KCNT1: variants seen among roughly 807,000 people sequenced by gnomAD.
KCNT1 encodes potassium sodium-activated channel subfamily T member 1.
A neutral mutation model predicts 147.8 loss-of-function variants in KCNT1; 78 were observed. The observed-to-expected ratio is 0.53, with a 90% confidence interval of 0.44 to 0.64. The LOEUF (loss-of-function observed/expected upper bound fraction) is 0.64. Among genes scored for constraint, KCNT1 ranks in the 30% least tolerant of loss-of-function variants. The pLI, the probability that KCNT1 is intolerant of heterozygous loss-of-function variation, is 0.00. For missense variants in KCNT1, 1,419 were observed against 1,750.3 expected (o/e 0.81, Z 3.38); for synonymous variants, 867 against 748.8 (o/e 1.16, Z -2.58).
chr9:135,710,284 T>C (rs1835433394), intron 1 of KCNT1, among the ~76,000 whole-genome samples: 1 of 152,164 alleles, frequency 6.6e-6, no homozygotes, highest in South Asian at 2.1e-4. Context: ...TGGGGTCTAA[T>C]CTTATTTTAT....
intron 2 of KCNT1, among the ~76,000 whole-genome samples, chr9:135,741,964 T>C (rs1329359719): frequency 7.1e-6 from 1 of 141,624 alleles, no homozygotes; most frequent in African/African-American, 2.5e-5. Flanking sequence ...TCTGGAGCCC[T>C]CAGCTCCCAT....
chr9:135,769,113 G>A (rs1832547364), intron 15 of KCNT1, among the ~76,000 whole-genome samples, 176 bp downstream of exon 15: 1 of 93,492 alleles, frequency 1.1e-5, no homozygotes, highest in South Asian at 3.5e-4. Flanking sequence ...GTGTGCACAC[G>A]TGGGTGTCGG....
intron 2 of KCNT1, among the ~76,000 whole-genome samples, chr9:135,744,737 G>T (rs1830731496): frequency 6.6e-6 from 1 of 152,240 alleles, no homozygotes. Flanking sequence ...CAGGGCCAGG[G>T]TTTGGCCTGT....
In KCNT1 at chr9:135,752,604, G is replaced by A; in HGVS notation, c.435-1333G>A. On this transcript the variant is annotated intron_variant, in intron 4 of 30. Coordinates refer to ENST00000371757, the MANE Select transcript of KCNT1 (RefSeq NM_020822.3). This position sits in a 1 kb window ranked among gnomAD's most constrained non-coding sequence, Gnocchi z 5.1. The stretch of plus-strand genomic sequence containing the variant: ...TGGGAAGATGGGTGGATGATGGATG[G>A]ATGGTTGGATGGATGGTGGATGATG... The A allele has an allele frequency of 2.8e-6, 1 of 354,210 alleles. No homozygotes were observed. The highest frequency in any genetic ancestry group is 2.1e-5 in the South Asian group (1 of 47,718). The allele number at this position is 354,210 out of a possible 1,614,324, so 21.9% of individuals were successfully genotyped here. A position where few individuals can be genotyped will look rare whatever the true frequency, so the allele number is the denominator to read the frequency against.
intron 1 of KCNT1, among the ~76,000 whole-genome samples, chr9:135,709,330 C>A (rs1464451429): frequency 6.6e-6 from 1 of 152,184 alleles, no homozygotes; most frequent in Non-Finnish European, 1.5e-5. Context: ...AGCTGTCAGT[C>A]GCTCCTCAGT....
intron 12 of KCNT1, 112 bp downstream of exon 12, chr9:135,765,307 C>T: frequency 9.4e-7 from 1 of 1,067,090 alleles, no homozygotes; most frequent in South Asian, 1.5e-5. Flanking sequence ...CTTGGTTTAC[C>T]CCTTCAGTGA....
At chr9:135,726,223 G>A (rs1377216479) in intron 2 of KCNT1, among the ~76,000 whole-genome samples, 3 of 152,112 alleles carry the variant, frequency 2.0e-5, no homozygotes, top group Non-Finnish European at 2.9e-5. Flanking sequence ...GGCCTGCGGT[G>A]GATGCTCCCA....
intron 10 of KCNT1, among the ~76,000 whole-genome samples, chr9:135,759,184 A>G (rs1243116464): frequency 1.3e-5 from 2 of 152,168 alleles, no homozygotes; most frequent in Admixed American, 6.5e-5. Flanking sequence ...CCTGCCCATT[A>G]GACCTCCCAG....
intron 2 of KCNT1, among the ~76,000 whole-genome samples, chr9:135,719,566 A>G (rs1835846065): frequency 6.6e-6 from 1 of 152,120 alleles, no homozygotes; most frequent in African/African-American, 2.4e-5. Flanking sequence ...GCCATGCTGC[A>G]CCAGGACCCA....
At chr9:135,750,334 G>A (rs374750594) in intron 3 of KCNT1, among the ~76,000 whole-genome samples, 157 bp downstream of exon 3, 5 of 152,032 alleles carry the variant, frequency 3.3e-5, no homozygotes, top group East Asian at 1.9e-4. Context: ...AGCAGGGTGG[G>A]GGTGGGTCTG....
intron 2 of KCNT1, among the ~76,000 whole-genome samples, chr9:135,749,653 G>A (rs1831037390): frequency 6.6e-6 from 1 of 152,260 alleles, no homozygotes; most frequent in Non-Finnish European, 1.5e-5. Context: ...ACCATCAGCT[G>A]TGGACAGCCT....
chr9:135,704,356 G>A (rs1835163810), intron 1 of KCNT1, among the ~76,000 whole-genome samples: 1 of 152,220 alleles, frequency 6.6e-6, no homozygotes, highest in Non-Finnish European at 1.5e-5. Context: ...CAAACCCCCA[G>A]CTCCACGCTA....
intron 10 of KCNT1, among the ~76,000 whole-genome samples, chr9:135,758,886 C>T (rs993672718): frequency 1.8e-4 from 27 of 152,174 alleles, no homozygotes; most frequent in African/African-American, 5.8e-4. Context: ...CCCAGAGCTG[C>T]GAGGGCCTCC....
chr9:135,741,306 C>T (rs898413817), intron 2 of KCNT1, among the ~76,000 whole-genome samples: 6 of 152,192 alleles, frequency 3.9e-5, no homozygotes, highest in African/African-American at 1.4e-4. Flanking sequence ...ACACAGTGGG[C>T]CCCAGCAGGG....
rs550039093 is a variant in KCNT1 at position 135,777,248 on chromosome 9, G to A, written c.2350-90G>A. The A allele has an allele frequency of 7.4e-5, 102 of 1,377,812 alleles. 1 individual carries two copies. The South Asian group carries it at 1.2e-3, about 16-fold the overall frequency. 85.3% of individuals were successfully genotyped at this position (1,377,812 alleles called of 1,614,324 possible). ...GAGGCTAACGGCTGGGTGTTCACGG[G>A]GGATGTTTGGTGAGGGGTCTGGGAG... On this transcript the variant is annotated intron_variant, in intron 20 of 30. Transcript: ENST00000371757.
At chr9:135,715,214 C>T (rs1405055052) in intron 2 of KCNT1, among the ~76,000 whole-genome samples, 1 of 152,220 alleles carries the variant, frequency 6.6e-6, no homozygotes, top group African/African-American at 2.4e-5. Context: ...GTCCCCGTCC[C>T]CTCAACATCT....
In KCNT1 at chr9:135,786,237, G is replaced by T; in HGVS notation, c.3218G>T (p.Arg1073Leu). 1 of 1,611,542 alleles carries T rather than the reference G, an allele frequency of 6.2e-7. No homozygotes were observed. The highest frequency in any genetic ancestry group is 8.5e-7 in the Non-Finnish European group (1 of 1,179,508). ...SVNVEDCEDT[R>L]EVKGPWGSRA... ...AACGTGGAGGACTGTGAGGACACAC[G>T]GGAAGTGAAGGGGCCCTGGGGCTCC... Residue 1073 changes from arginine to leucine, a missense_variant, in exon 29 of 31, where the codon CGG (arginine) becomes CTG (leucine). Transcript: ENST00000371757.
chr9:135,786,170 C>CGCCCTGCCCTGCCCT (rs757968008), intron 28 of KCNT1, 27 bp from the exon 29 acceptor site: 21 of 1,548,182 alleles, frequency 1.4e-5, no homozygotes, highest in East Asian at 9.2e-5. Context: ...CACCCCTCCC[C>CGCCCTGCCCTGCCCT]GCCCTGCCCT....
intron 9 of KCNT1, 87 bp downstream of exon 9, chr9:135,757,468 G>A: frequency 1.6e-6 from 2 of 1,213,020 alleles, no homozygotes; most frequent in Non-Finnish European, 2.4e-6. Flanking sequence ...GACGTAGCCT[G>A]CCACGCCCCG....
Sources: gnomAD v4.1 joint callset for allele counts (sites outside exome capture counted in the v4.1 genomes callset) on GRCh38, gnomAD v4.1.1 for gene constraint, Gnocchi (gnomAD v3.1) non-coding constraint, MANE v1.5 for transcripts, NCBI Gene and HGNC (gene_info 2026-07-23, HGNC 2026-07-21) for gene names.